Variants in CSMD3 observed in about 807,000 individuals in gnomAD.
CSMD3 encodes CUB and sushi domain-containing protein 3.
CSMD3 carries 177 observed loss-of-function variants against 435.2 expected under a neutral mutation model. The ratio of observed to expected loss-of-function variants is 0.41; its 90% CI spans 0.36 to 0.46. The LOEUF (loss-of-function observed/expected upper bound fraction) is 0.46, where lower values mean the gene tolerates loss of function less well. Ranked by LOEUF, CSMD3 falls within the 20% of genes least tolerant of loss-of-function variation. The probability of loss-of-function intolerance (pLI) is 0.34; values close to 1 mark genes in which losing one functional copy is unlikely to be tolerated. For synonymous variants in CSMD3, 1,656 were observed against 1,520.5 expected, an observed-to-expected ratio of 1.09 and a Z score of -2.07; for missense variants, 4,265 against 4,504.6, an observed-to-expected ratio of 0.95 and a Z score of 1.52.
At chr8:112,802,167 C>T (rs902779456) in intron 12 of CSMD3, among the ~76,000 whole-genome samples, 3 of 151,690 alleles carry the variant, frequency 2.0e-5, no homozygotes, top group South Asian at 4.2e-4. Flanking sequence ...ATTAAAACTC[C>T]CCTCAACTTC....
intron 32 of CSMD3, among the ~76,000 whole-genome samples, chr8:112,455,756 C>G (rs947148789): frequency 2.6e-5 from 4 of 151,538 alleles, no homozygotes; most frequent in Non-Finnish European, 4.4e-5. Context: ...GTGACTTGCT[C>G]AGTTTCACAG....
chr8:112,401,013 C>T (rs986957128), intron 35 of CSMD3, among the ~76,000 whole-genome samples: 2 of 151,986 alleles, frequency 1.3e-5, no homozygotes, highest in Non-Finnish European at 2.9e-5. Context: ...TCAAGACCAG[C>T]CTAGCCAATA....
Position 112,243,132 on chromosome 8 carries a change from T to G in CSMD3, c.10402+1262A>C, listed in dbSNP as rs183485717. 5.3e-5 allele frequency among the ~76,000 whole-genome samples: 8 copies of G among 152,148 alleles called. No individual in the cohort carries two copies. In the East Asian group the frequency reaches 1.5e-3, roughly 29 times the overall value. On this transcript the variant is annotated intron_variant, in intron 65 of 70. Transcript: ENST00000297405. The stretch of plus-strand genomic sequence containing the variant: ...TGAAGTCTCTCATGAGATTATATTC[T>G]AGTTGAAGAGGGGTAGATAGGAGGA...
chr8:113,281,506 T>C (rs1021735295), intron 2 of CSMD3, among the ~76,000 whole-genome samples: 2 of 151,894 alleles, frequency 1.3e-5, no homozygotes, highest in African/African-American at 2.4e-5. Flanking sequence ...TGGTATCCAT[T>C]TGTATGAAAT....
chr8:113,225,395 T>C (rs562918328), intron 3 of CSMD3, among the ~76,000 whole-genome samples: 17 of 151,632 alleles, frequency 1.1e-4, no homozygotes, highest in Admixed American at 5.9e-4. Context: ...TAGTCAGATG[T>C]CCCATTTCTT....
chr8:113,055,422 G>A (rs2088282179), intron 5 of CSMD3, among the ~76,000 whole-genome samples: 1 of 152,092 alleles, frequency 6.6e-6, no homozygotes, highest in African/African-American at 2.4e-5. Flanking sequence ...CTATTATAAA[G>A]TGTTTGAGTC....
chr8:113,223,136 TATTA>T (rs1162889187), intron 3 of CSMD3, among the ~76,000 whole-genome samples: 6 of 150,730 alleles, frequency 4.0e-5, no homozygotes, highest in Admixed American at 2.0e-4. Context: ...TATAACTCCA[TATTA>T]ATTAATAAAT....
intron 18 of CSMD3, among the ~76,000 whole-genome samples, chr8:112,651,389 T>C (rs2075122309): frequency 6.6e-6 from 1 of 152,180 alleles, no homozygotes; most frequent in African/African-American, 2.4e-5. Context: ...ACATTTTAAG[T>C]GTATTTATCA....
At chr8:113,328,214 G>A (rs1404811642) in intron 1 of CSMD3, among the ~76,000 whole-genome samples, 1 of 151,724 alleles carries the variant, frequency 6.6e-6, no homozygotes, top group Non-Finnish European at 1.5e-5. Context: ...CGAGGCGGGC[G>A]GATCACGAGG....
intron 22 of CSMD3, among the ~76,000 whole-genome samples, chr8:112,616,503 C>G (rs938328247): frequency 6.6e-5 from 10 of 152,046 alleles, no homozygotes; most frequent in Admixed American, 1.3e-4. Flanking sequence ...ATGGCATTGT[C>G]AAGTAGTCAA....
intron 24 of CSMD3, among the ~76,000 whole-genome samples, chr8:112,568,373 A>G (rs1438520926): frequency 6.6e-6 from 1 of 152,098 alleles, no homozygotes; most frequent in East Asian, 1.9e-4. Flanking sequence ...CAGGTGGATC[A>G]TTGGAGGTCA....
chr8:112,287,040 T>C, intron 58 of CSMD3, 24 bp downstream of exon 58: 2 of 1,590,720 alleles, frequency 1.3e-6, no homozygotes, highest in Non-Finnish European at 1.7e-6. Context: ...AGTTGCAATA[T>C]ATTTAATTTC....
At chr8:113,404,308 G>T (rs2094522954) in intron 1 of CSMD3, among the ~76,000 whole-genome samples, 1 of 151,358 alleles carries the variant, frequency 6.6e-6, no homozygotes. Context: ...GAATAAATTA[G>T]ACATGCTTTA....
intron 22 of CSMD3, among the ~76,000 whole-genome samples, chr8:112,604,321 T>C (rs1231665709): frequency 6.6e-6 from 1 of 152,164 alleles, no homozygotes; most frequent in Non-Finnish European, 1.5e-5. Flanking sequence ...TGCATCAATA[T>C]GAATTTTTAG....
At position 112,244,569 on chromosome 8, in the gene CSMD3, G is replaced by A. The variant is rs952589656; in HGVS notation, c.10227C>T (p.His3409=). 1 of 1,613,438 alleles carries A rather than the reference G, an allele frequency of 6.2e-7. No homozygotes were observed. Among genetic ancestry groups the A allele is most frequent in the African/African-American group, 1.3e-5 (1 of 75,008 alleles). Residue 3409 remains histidine (H), a synonymous_variant, in exon 65 of 71, where the codon CAC becomes CAT. Coordinates refer to ENST00000297405, the MANE Select transcript of CSMD3 (RefSeq NM_198123.2). The part of the protein sequence containing the change: ...WSGIQPECIP[H]SCKQPETPAH... Reference sequence around the variant, plus strand: ...CAGGAGTTTCTGGCTGTTTACAGCTGTGGGCTATATTAAGAAAAGAGAACA... The same window carrying A: ...CAGGAGTTTCTGGCTGTTTACAGCTATGGGCTATATTAAGAAAAGAGAACA...
intron 10 of CSMD3, among the ~76,000 whole-genome samples, chr8:112,884,908 GA>G (rs1168802309): frequency 1.3e-5 from 2 of 150,772 alleles, no homozygotes; most frequent in African/African-American, 4.9e-5. Flanking sequence ...TTTTTTCCAG[GA>G]CCTTCTTATC....
chr8:113,038,774 C>T (rs1420104152), intron 5 of CSMD3, among the ~76,000 whole-genome samples: 1 of 152,154 alleles, frequency 6.6e-6, no homozygotes, highest in Non-Finnish European at 1.5e-5. Context: ...AAATCCCTCC[C>T]TCCCAACATG....
intron 14 of CSMD3, among the ~76,000 whole-genome samples, chr8:112,687,746 G>C (rs1005081330): frequency 1.3e-5 from 2 of 151,964 alleles, no homozygotes; most frequent in African/African-American, 4.8e-5. Context: ...TGTTTGGCTT[G>C]ATTTTTTTTT....
At chr8:113,123,101 A>T (rs2091031620) in intron 4 of CSMD3, among the ~76,000 whole-genome samples, 1 of 151,884 alleles carries the variant, frequency 6.6e-6, no homozygotes, top group Non-Finnish European at 1.5e-5. Flanking sequence ...ATGCCAGTTA[A>T]CTATTGTATG....
Sources: gnomAD v4.1 joint callset for allele counts (sites outside exome capture counted in the v4.1 genomes callset) on GRCh38, gnomAD v4.1.1 for gene constraint, MANE v1.5 for transcripts, NCBI Gene and HGNC (gene_info 2026-07-23, HGNC 2026-07-21) for gene names.